METTL25: variants seen among roughly 807,000 people sequenced by gnomAD.
The protein encoded by METTL25 is probable methyltransferase-like protein 25.
A neutral mutation model predicts 71.6 loss-of-function variants in METTL25; 64 were observed. The observed-to-expected ratio is 0.89, with a 90% CI of 0.73 to 1.10. The LOEUF (loss-of-function observed/expected upper bound fraction) is 1.10. METTL25 is among the 50% of genes least tolerant of loss of function. The probability of loss-of-function intolerance (pLI) is 0.00; values close to 1 mark genes in which losing one functional copy is unlikely to be tolerated. For synonymous variants in METTL25, 287 were observed against 250.3 expected (o/e 1.15, Z -1.38); for missense variants, 807 against 707.0 (o/e 1.14, Z -1.60).
intron 5 of METTL25, among the ~76,000 whole-genome samples, chr12:82,430,403 A>G (rs1264393975): frequency 6.6e-6 from 1 of 151,634 alleles, no homozygotes; most frequent in Admixed American, 6.6e-5. Flanking sequence ...AAGAGCCTGT[A>G]CAGCTGTTCT....
intron 5 of METTL25, among the ~76,000 whole-genome samples, chr12:82,427,264 T>C (rs565550459): frequency 7.9e-5 from 12 of 152,104 alleles, no homozygotes; most frequent in African/African-American, 2.4e-4. Context: ...TTGCTAATCG[T>C]AGACTGTGTG....
intron 7 of METTL25, among the ~76,000 whole-genome samples, chr12:82,435,157 TGGGTTTGCACTTA>T (rs1358443135): frequency 6.6e-6 from 1 of 151,534 alleles, no homozygotes; most frequent in Non-Finnish European, 1.5e-5. Flanking sequence ...AGTGGCCAAA[TGGGTTTGCACTTA>T]GAGATAGAAG....
At chr12:82,365,564 T>C (rs529151570) in intron 1 of METTL25, among the ~76,000 whole-genome samples, 1 of 152,354 alleles carries the variant, frequency 6.6e-6, no homozygotes, top group East Asian at 1.9e-4. Context: ...GACTGTGTTC[T>C]TGGGAAGTAA....
rs536862968 is a variant in METTL25 at position 82,466,132 on chromosome 12, C to T, written c.1572+9312C>T. On this transcript the variant is annotated intron_variant, in intron 9 of 11. Coordinates refer to ENST00000248306, the MANE Select transcript of METTL25 (RefSeq NM_032230.3). ...TTAATTTTTTTCCTTCTACTAATTT[C>T]GGATTTGGCTTGTTCTTGCCTTTCT... is the stretch of plus-strand genomic sequence containing the variant. 2.1e-3 allele frequency among the ~76,000 whole-genome samples: 322 copies of T among 151,032 alleles called. 1 individual carries two copies. The highest frequency in any genetic ancestry group is 3.6e-3 in the Non-Finnish European group (243 of 67,662).
At chr12:82,456,373 A>G (rs965367633) in intron 8 of METTL25, among the ~76,000 whole-genome samples, 2 of 151,940 alleles carry the variant, frequency 1.3e-5, no homozygotes, top group African/African-American at 4.8e-5. Flanking sequence ...AGGTGTTGTC[A>G]TGAGATGTGC....
rs1887287087 is a variant in METTL25 at position 82,408,575 on chromosome 12, T to A, written c.1279+5445T>A. The stretch of plus-strand genomic sequence containing the variant: ...CCCTAGATTTTTGATAGCTTACCTT[T>A]ATCAATGAACAGATGTGACTCCGTG... On this transcript the variant is annotated intron_variant, in intron 5 of 11. Transcript: ENST00000248306. Among the ~76,000 whole-genome samples, 5 of 148,346 alleles carry A rather than the reference T, an allele frequency of 3.4e-5. No individual in the cohort carries two copies. The South Asian group carries it at 6.5e-4, about 19-fold the overall frequency.
At chr12:82,395,137 G>T (rs1371653394) in intron 3 of METTL25, among the ~76,000 whole-genome samples, 1 of 152,052 alleles carries the variant, frequency 6.6e-6, no homozygotes, top group African/African-American at 2.4e-5. Flanking sequence ...TTATGAAACA[G>T]ATATTTCCAC....
chr12:82,379,626 A>AT (rs2136909367), intron 1 of METTL25, among the ~76,000 whole-genome samples: 1 of 152,328 alleles, frequency 6.6e-6, no homozygotes, highest in African/African-American at 2.4e-5. Flanking sequence ...CATAGCTGAA[A>AT]TTATATCTAC....
chr12:82,441,038 G>A (rs111971445), intron 8 of METTL25, among the ~76,000 whole-genome samples: 38 of 152,068 alleles, frequency 2.5e-4, no homozygotes, highest in Admixed American at 7.2e-4. Flanking sequence ...ACAAAAGTTC[G>A]AGTTCATGGT....
In METTL25 at chr12:82,477,433, GTC is replaced by G. The variant is rs1565894014; in HGVS notation, c.1719+83_1719+84del. On this transcript the variant is annotated intron_variant, in intron 11 of 11. Coordinates refer to ENST00000248306, the MANE Select transcript of METTL25 (RefSeq NM_032230.3). Reference sequence around the variant, plus strand: ...AGAGCCACTTATATCTAGGATAAGAGTCTTTCACATAAAACTAGTAAGAAAAT... The same window carrying G: ...AGAGCCACTTATATCTAGGATAAGAGTTTCACATAAAACTAGTAAGAAAAT... The G allele has an allele frequency of 4.6e-6, 3 of 652,106 alleles. No individual in the cohort carries two copies. The African/African-American group carries it at 5.7e-5, about 12-fold the overall frequency. The allele number at this position is 652,106 out of a possible 1,614,324, so 40.4% of individuals were successfully genotyped here.
chr12:82,459,891 C>G (rs1482483202), intron 9 of METTL25: 2 of 152,204 alleles, frequency 1.3e-5, no homozygotes, highest in African/African-American at 2.4e-5. Flanking sequence ...CACAGTGATA[C>G]TAATCTTTGG....
chr12:82,397,728 G>C (rs1886204414), intron 3 of METTL25, among the ~76,000 whole-genome samples: 1 of 151,740 alleles, frequency 6.6e-6, no homozygotes, highest in Admixed American at 6.6e-5. Flanking sequence ...TGGGCACTTT[G>C]TCCAAAATCA....
chr12:82,450,660 A>T (rs866653528), intron 8 of METTL25, among the ~76,000 whole-genome samples: 21 of 152,114 alleles, frequency 1.4e-4, no homozygotes, highest in African/African-American at 4.3e-4. Flanking sequence ...GCCTTATGTC[A>T]TCTGGCTCCT....
chr12:82,360,877 G>T (rs1881763704), intron 1 of METTL25, among the ~76,000 whole-genome samples: 1 of 152,166 alleles, frequency 6.6e-6, no homozygotes, highest in Admixed American at 6.5e-5. Flanking sequence ...GTTTGGATGT[G>T]TTCGGAGTTT....
chr12:82,445,566 C>T (rs867899430), intron 8 of METTL25, among the ~76,000 whole-genome samples: 29 of 152,248 alleles, frequency 1.9e-4, no homozygotes, highest in Admixed American at 6.5e-4. Flanking sequence ...AAAGTGATCT[C>T]TCACAGTTCT....
intron 3 of METTL25, among the ~76,000 whole-genome samples, chr12:82,395,083 C>A (rs1381834437): frequency 6.6e-6 from 1 of 151,914 alleles, no homozygotes; most frequent in African/African-American, 2.4e-5. Flanking sequence ...AGACTGGAAG[C>A]CACTGGAGCC....
intron 9 of METTL25, among the ~76,000 whole-genome samples, chr12:82,462,434 A>G (rs959736652): frequency 6.6e-6 from 1 of 152,062 alleles, no homozygotes; most frequent in Non-Finnish European, 1.5e-5. Flanking sequence ...TGTTTTTTCC[A>G]GCTTCTGCAT....
chr12:82,383,690 ATTTATT>A (rs900299742), intron 1 of METTL25, among the ~76,000 whole-genome samples: 40 of 152,244 alleles, frequency 2.6e-4, no homozygotes, highest in Admixed American at 2.3e-3. Flanking sequence ...GATGACAGAC[ATTTATT>A]TTTATTTACT....
intron 5 of METTL25, among the ~76,000 whole-genome samples, chr12:82,418,761 A>T (rs1306652854): frequency 6.6e-6 from 1 of 152,180 alleles, no homozygotes; most frequent in Non-Finnish European, 1.5e-5. Flanking sequence ...ATTTCAAGAT[A>T]AATGAATCCA....
Sources: gnomAD v4.1 joint callset for allele counts (sites outside exome capture counted in the v4.1 genomes callset) on GRCh38, gnomAD v4.1.1 for gene constraint, MANE v1.5 for transcripts, NCBI Gene and HGNC (gene_info 2026-07-23, HGNC 2026-07-21) for gene names.